The following DNAH6 variants were observed in gnomAD, a reference collection of about 807,000 sequenced individuals.
The protein encoded by DNAH6 is dynein axonemal heavy chain 6.
DNAH6 carries 340 observed loss-of-function variants against 491.4 expected under a neutral mutation model. That is an observed-to-expected ratio of 0.69 (90% CI 0.63 to 0.76). DNAH6 has a LOEUF of 0.76. Among genes scored for constraint, DNAH6 ranks in the 30% least tolerant of loss-of-function variants. The pLI is 0.00. For missense variants in DNAH6, 4,443 were observed against 4,972.2 expected (o/e 0.89, Z 3.20); for synonymous variants, 1,603 against 1,686.1 (o/e 0.95, Z 1.21).
rs1441066337 is a variant in DNAH6, at chr2:84,595,649, A to C, written c.2728A>C (p.Lys910Gln). ...TTTGTTTTTAAATTTTTCATAGTCC[A>C]AATTTGATTGCCTGGATCCAGAAGT... ...DKLQQEWLKSKFDCLDPEVLN... is the reference protein window; with the variant it reads ...DKLQQEWLKSQFDCLDPEVLN... Residue 910 changes from lysine (K) to glutamine (Q), a missense_variant, in exon 18 of 77, where the codon AAA (lysine) becomes CAA (glutamine). Physicochemically the swap from Lys to Gln is moderately conservative, Grantham distance 53. Transcript: ENST00000389394. 1.3e-6 allele frequency: 2 copies of C among 1,535,378 alleles called. No homozygotes were observed. Among genetic ancestry groups the C allele is most frequent in the Non-Finnish European group, 1.8e-6 (2 of 1,141,766 alleles).
At chr2:84,812,927 T>C (rs1254498247) in intron 73 of DNAH6, 131 bp from the exon 74 acceptor site, 1 of 696,678 alleles carries the variant, frequency 1.4e-6, no homozygotes, top group Non-Finnish European at 2.5e-6. Flanking sequence ...GGCAGTGAAA[T>C]GGGGGTGGTG....
chr2:84,571,757 CAAA>C (rs34657775), intron 11 of DNAH6, among the ~76,000 whole-genome samples: 3,414 of 104,000 alleles, frequency 0.033, 53 homozygotes, highest in Middle Eastern at 0.11. Flanking sequence ...ACTAAAATTA[CAAA>C]AAAAAAAAAA....
At position 84,683,057 on chromosome 2, in the gene DNAH6, C is replaced by T. The variant is rs78748100; in HGVS notation, c.6916+1529C>T. Among the ~76,000 whole-genome samples the T allele has an allele frequency of 6.4e-3, 572 of 89,234 alleles. 3 individuals carry two copies. Among genetic ancestry groups the T allele is most frequent in the African/African-American group, 0.019 (548 of 28,666 alleles). 58.5% of individuals were successfully genotyped at this position (89,234 alleles called of 152,430 possible). ...CTGTACATTGCTTGCAATGCTCTGA[C>T]ACCAGATAGCCACATAAGCTCACTT... On this transcript the variant is annotated intron_variant, in intron 42 of 76. Transcript: ENST00000389394.
At chr2:84,771,334 G>C (rs925530947) in intron 64 of DNAH6, among the ~76,000 whole-genome samples, 1 of 151,484 alleles carries the variant, frequency 6.6e-6, no homozygotes, top group Non-Finnish European at 1.5e-5. Context: ...AGATACCTGA[G>C]AGATACCATC....
intron 34 of DNAH6, among the ~76,000 whole-genome samples, 186 bp from the exon 35 acceptor site, chr2:84,654,474 A>G (rs1342894569): frequency 2.6e-5 from 4 of 152,190 alleles, no homozygotes; most frequent in Admixed American, 6.6e-5. Flanking sequence ...TTTTCACCTT[A>G]TACGTCATTT....
chr2:84,610,452 A>C (rs1391720864), intron 21 of DNAH6, among the ~76,000 whole-genome samples: 1 of 152,162 alleles, frequency 6.6e-6, no homozygotes, highest in African/African-American at 2.4e-5. Context: ...CCACCTTATG[A>C]GTCTTGCTAC....
chr2:84,570,497 C>A (rs968829163), intron 11 of DNAH6, among the ~76,000 whole-genome samples: 1 of 152,192 alleles, frequency 6.6e-6, no homozygotes, highest in African/African-American at 2.4e-5. Flanking sequence ...CACTCTGTGT[C>A]TAGCTAACGG....
chr2:84,711,494 T>C (rs2104876632), intron 56 of DNAH6, among the ~76,000 whole-genome samples: 1 of 152,338 alleles, frequency 6.6e-6, no homozygotes, highest in South Asian at 2.1e-4. Context: ...GCATGATGAC[T>C]AGGAATTGTA....
chr2:84,598,099 G>T lies in DNAH6; in HGVS notation c.2868+2310G>T, dbSNP rs1312659829. Among the ~76,000 whole-genome samples, 197 of 139,986 alleles carry T rather than the reference G, an allele frequency of 1.4e-3. 1 individual carries two copies. Among genetic ancestry groups the T allele is most frequent in the African/African-American group, 5.9e-3 (190 of 32,186 alleles). The allele number at this position is 139,986 out of a possible 152,430, so 91.8% of individuals were successfully genotyped here. A position where few individuals can be genotyped will look rare whatever the true frequency, so the allele number is the denominator to read the frequency against. On this transcript the variant is annotated intron_variant, in intron 18 of 76. Coordinates refer to ENST00000389394, the MANE Select transcript of DNAH6 (RefSeq NM_001370.2). ...TGAGAAAGTGAACTCGTGGTTACTC[G>T]TGGAACTCGTGGTTCTTTCTATCTT...
chr2:84,613,552 T>C (rs1313991655), intron 22 of DNAH6, among the ~76,000 whole-genome samples: 1 of 152,140 alleles, frequency 6.6e-6, no homozygotes, highest in Non-Finnish European at 1.5e-5. Context: ...ACATGGATCT[T>C]ATCCCTTAAG....
chr2:84,811,859 C>CAAA (rs34583430), intron 72 of DNAH6, among the ~76,000 whole-genome samples: 9 of 104,980 alleles, frequency 8.6e-5, no homozygotes, highest in African/African-American at 2.9e-4. Context: ...GATTCTGTCT[C>CAAA]AAAAAAAAAA....
chr2:84,687,355 T>A (rs1331581901), intron 44 of DNAH6, among the ~76,000 whole-genome samples: 1 of 152,086 alleles, frequency 6.6e-6, no homozygotes, highest in Non-Finnish European at 1.5e-5. Flanking sequence ...CATCTTAAGT[T>A]CCCAGGTTCC....
Position 84,701,177 on chromosome 2 carries a change from G to A in DNAH6, c.7899G>A (p.Lys2633=). 6.4e-7 allele frequency: 1 copy of A among 1,551,746 alleles called. No homozygotes were observed. ...VDAGNEELKE[K]LPLMCVNVHL... ...CTGGAAATGAAGAACTGAAAGAAAA[G>A]CTTCCCTTGATGTGCGTGAACGTTC... Residue 2633 remains lysine (K), a synonymous_variant, in exon 49 of 77, where the codon AAG becomes AAA. Transcript: ENST00000389394.
intron 70 of DNAH6, among the ~76,000 whole-genome samples, chr2:84,799,797 C>T (rs1678714901): frequency 6.6e-6 from 1 of 152,204 alleles, no homozygotes; most frequent in African/African-American, 2.4e-5. Context: ...AAAGAGACAC[C>T]ACCAAGGCCT....
At chr2:84,553,413 CTT>C in intron 10 of DNAH6, among the ~76,000 whole-genome samples, 2 of 135,482 alleles carry the variant, frequency 1.5e-5, no homozygotes, top group South Asian at 2.4e-4. Flanking sequence ...TTCTTTCTTT[CTT>C]TCTTTCTTTC....
intron 29 of DNAH6, among the ~76,000 whole-genome samples, chr2:84,633,102 G>T (rs1229696681): frequency 6.6e-6 from 1 of 152,180 alleles, no homozygotes; most frequent in East Asian, 1.9e-4. Flanking sequence ...TATGCACACG[G>T]AGCAGCCAGT....
chr2:84,802,835 A>G (rs1402938256), intron 70 of DNAH6, among the ~76,000 whole-genome samples: 1 of 152,216 alleles, frequency 6.6e-6, no homozygotes, highest in East Asian at 1.9e-4. Context: ...AACAAATTTA[A>G]AAAATCAAAA....
chr2:84,719,277 C>T (rs898177457), intron 59 of DNAH6, among the ~76,000 whole-genome samples: 3 of 152,116 alleles, frequency 2.0e-5, no homozygotes, highest in Non-Finnish European at 4.4e-5. Flanking sequence ...TCTCTTTATC[C>T]TCCTGTCGTT....
intron 37 of DNAH6, among the ~76,000 whole-genome samples, chr2:84,664,425 C>CA (rs920344009): frequency 5.4e-5 from 8 of 149,190 alleles, no homozygotes; most frequent in Non-Finnish European, 7.4e-5. Flanking sequence ...AAATAGAAAA[C>CA]AAAAAAAAAG....
Sources: allele counts gnomAD v4.1 joint callset (sites outside exome capture counted in the v4.1 genomes callset), GRCh38; gene constraint gnomAD v4.1.1; transcripts MANE v1.5; gene names NCBI Gene and HGNC (gene_info 2026-07-23, HGNC 2026-07-21).